Variants in ANKRD36C observed in about 807,000 individuals in gnomAD.
The protein encoded by ANKRD36C is ankyrin repeat domain 36C.
Under a neutral mutation model 276.4 loss-of-function variants are expected in ANKRD36C, and 61 were observed. The observed-to-expected ratio is 0.22, with a 90% CI of 0.18 to 0.27. The LOEUF (loss-of-function observed/expected upper bound fraction) is 0.27, where lower values mean the gene tolerates loss of function less well. Ranked by LOEUF, ANKRD36C falls within the 10% of genes least tolerant of loss-of-function variation. The pLI, the probability that ANKRD36C is intolerant of heterozygous loss-of-function variation, is 1.00. For missense variants in ANKRD36C, 1,447 were observed against 2,032.3 expected, an observed-to-expected ratio of 0.71 and a Z score of 5.54; for synonymous variants, 483 against 680.1, an observed-to-expected ratio of 0.71 and a Z score of 4.51.
At chr2:95,852,094 C>T (rs1203935447) in intron 65 of ANKRD36C, 32 bp downstream of exon 85, 1 of 1,584,634 alleles carries the variant, frequency 6.3e-7, no homozygotes, top group East Asian at 2.2e-5. Flanking sequence ...TATAAATACT[C>T]AAGTTATTTT....
chr2:95,857,152 T>C (rs1573719171), intron 62 of ANKRD36C, among the ~76,000 whole-genome samples, 157 bp downstream of exon 82: 6 of 152,124 alleles, frequency 3.9e-5, no homozygotes, highest in Admixed American at 3.9e-4. Flanking sequence ...CAAGATTTAT[T>C]ATAAATAATT....
At chr2:95,927,475 G>A (rs1677439465) in intron 26 of ANKRD36C, 66 bp from the exon 27 acceptor site, 3 of 1,598,404 alleles carry the variant, frequency 1.9e-6, no homozygotes, top group Admixed American at 3.4e-5. Flanking sequence ...ATACATTCAT[G>A]AAGTGTTAGC....
At chr2:95,964,013 A>ATG (rs373586908) in intron 6 of ANKRD36C, among the ~76,000 whole-genome samples, 40 of 20,240 alleles carry the variant, frequency 2.0e-3, no homozygotes, top group South Asian at 0.013. Flanking sequence ...ATATATATAT[A>ATG]TGTGTGTGTG....
At chr2:95,881,293 A>G (rs542238606) in intron 56 of ANKRD36C, among the ~76,000 whole-genome samples, 87 of 152,318 alleles carry the variant, frequency 5.7e-4, no homozygotes, top group African/African-American at 1.9e-3. Flanking sequence ...AAGAAGGTAT[A>G]ATATATAAAC....
chr2:95,925,311 T>C (rs1292206238), intron 30 of ANKRD36C, 41 bp downstream of exon 30: 1 of 1,552,892 alleles, frequency 6.4e-7, no homozygotes, highest in East Asian at 2.4e-5. Flanking sequence ...TTCTCTTCTG[T>C]CTTGAGTGCA....
chr2:95,921,665 C>T (rs778573758), exon 34 of ANKRD36C: 2 of 1,608,206 alleles, frequency 1.2e-6, no homozygotes, highest in Non-Finnish European at 1.7e-6. Context: ...CAGAATCTTC[C>T]TCGTCAGTTG....
intron 5 of ANKRD36C, among the ~76,000 whole-genome samples, chr2:95,978,924 C>T (rs1678864017): frequency 6.6e-6 from 1 of 152,018 alleles, no homozygotes; most frequent in Non-Finnish European, 1.5e-5. Context: ...CTGGCTTGGG[C>T]TACAACTACT....
Position 95,984,076 on chromosome 2 carries a change from TA to T in ANKRD36C, c.487-1715del, listed in dbSNP as rs566851906. Among the ~76,000 whole-genome samples, 5 of 152,316 alleles carry T rather than the reference TA, an allele frequency of 3.3e-5. No homozygotes were observed. The South Asian group carries it at 1.0e-3, about 32-fold the overall frequency. On this transcript the variant is annotated intron_variant, in intron 3 of 66. Transcript: ENST00000456556. ...GGTATGTATAAAGATAAATAGTTTA[TA>T]AAACACCACCATCTAAATTCAAAAG...
At chr2:95,857,376 T>TTTGTCACATCAGCTTCTA in exon 62 of ANKRD36C, 1 of 1,609,952 alleles carries the variant, frequency 6.2e-7, no homozygotes, top group Middle Eastern at 2.3e-4. Flanking sequence ...TTTAATTGGT[T>TTTGTCACATCAGCTTCTA]TTGTCACATC....
chr2:95,984,792 C>T (rs1257011310), intron 3 of ANKRD36C, among the ~76,000 whole-genome samples: 1 of 151,956 alleles, frequency 6.6e-6, no homozygotes, highest in Admixed American at 6.6e-5. Flanking sequence ...TATATTGTAA[C>T]CTCATTTTTT....
intron 40 of ANKRD36C, among the ~76,000 whole-genome samples, chr2:95,912,923 A>G (rs1676978209): frequency 6.6e-6 from 1 of 151,410 alleles, no homozygotes; most frequent in Non-Finnish European, 1.5e-5. Context: ...AGTTGAATGT[A>G]CACTTCACAT....
intron 34 of ANKRD36C, among the ~76,000 whole-genome samples, chr2:95,921,185 A>C (rs796246793): frequency 7.3e-5 from 11 of 150,742 alleles, no homozygotes; most frequent in East Asian, 2.0e-4. Flanking sequence ...CTTAGTTCTC[A>C]TTCTACAGTG....
intron 6 of ANKRD36C, among the ~76,000 whole-genome samples, chr2:95,963,432 T>C (rs1259852079): frequency 1.3e-5 from 2 of 151,448 alleles, no homozygotes; most frequent in African/African-American, 4.8e-5. Context: ...TGTTATTCTC[T>C]GAAGAATTTT....
intron 53 of ANKRD36C, 23 bp downstream of exon 73, chr2:95,884,317 A>G: frequency 6.2e-7 from 1 of 1,610,746 alleles, no homozygotes; most frequent in Non-Finnish European, 8.5e-7. Flanking sequence ...ACTAGTTCAC[A>G]ATATAAATAA....
chr2:95,860,713 C>T (rs560450696), intron 60 of ANKRD36C, among the ~76,000 whole-genome samples: 2 of 152,154 alleles, frequency 1.3e-5, no homozygotes, highest in Admixed American at 1.3e-4. Flanking sequence ...AGAGTTTTGA[C>T]GGAGGTTCGA....
intron 60 of ANKRD36C, among the ~76,000 whole-genome samples, chr2:95,863,571 C>T (rs1219966459): frequency 3.9e-5 from 6 of 151,960 alleles, no homozygotes; most frequent in Non-Finnish European, 4.4e-5. Flanking sequence ...AAAATTCAAC[C>T]AATTTGTGAT....
At chr2:95,854,359 C>G (rs1277398603) in intron 63 of ANKRD36C, among the ~76,000 whole-genome samples, 7 of 151,416 alleles carry the variant, frequency 4.6e-5, no homozygotes, top group Admixed American at 4.6e-4. Context: ...CACCTCCCGC[C>G]CTGACTCAGC....
intron 32 of ANKRD36C, among the ~76,000 whole-genome samples, chr2:95,923,254 T>TCTG (rs1488620641): frequency 6.6e-6 from 1 of 151,672 alleles, no homozygotes; most frequent in Non-Finnish European, 1.5e-5. Context: ...TATGTCTTGA[T>TCTG]CTGCTCTCCA....
intron 36 of ANKRD36C, among the ~76,000 whole-genome samples, chr2:95,916,678 G>A (rs1677106479): frequency 6.6e-6 from 1 of 151,636 alleles, no homozygotes; most frequent in African/African-American, 2.4e-5. Context: ...CTCTTCAGTG[G>A]AAGTGTCCTA....
Sources: allele counts gnomAD v4.1 joint callset (sites outside exome capture counted in the v4.1 genomes callset), GRCh38; gene constraint gnomAD v4.1.1; transcripts MANE v1.5; gene names NCBI Gene and HGNC (gene_info 2026-07-23, HGNC 2026-07-21).